The following PCDHA4 variants were observed in gnomAD, a reference collection of about 807,000 sequenced individuals.
PCDHA4 encodes the protein protocadherin alpha 4, also known as protocadherin alpha-4.
A neutral mutation model predicts 61.4 loss-of-function variants in PCDHA4; 49 were observed. That is an observed-to-expected ratio of 0.80 (90% CI 0.63 to 1.01). The LOEUF (loss-of-function observed/expected upper bound fraction) is 1.01, where lower values mean the gene tolerates loss of function less well. Ranked by LOEUF, PCDHA4 falls within the 50% of genes least tolerant of loss-of-function variation. The pLI is 0.00. For synonymous variants in PCDHA4, 590 were observed against 550.3 expected, an observed-to-expected ratio of 1.07 and a Z score of -1.01; for missense variants, 1,254 against 1,235.8, an observed-to-expected ratio of 1.01 and a Z score of -0.22.
chr5:140,993,754 A>G (rs1253767297), intron 3 of PCDHA4, among the ~76,000 whole-genome samples: 1 of 152,170 alleles, frequency 6.6e-6, no homozygotes, highest in African/African-American at 2.4e-5. Context: ...ACTTGCCATT[A>G]TATTACAATT....
chr5:140,939,240 AGGT>A (rs1314261929), intron 1 of PCDHA4, among the ~76,000 whole-genome samples: 2 of 152,170 alleles, frequency 1.3e-5, no homozygotes, highest in African/African-American at 4.8e-5. Context: ...GGAAGGAGCA[AGGT>A]AGCTCTCTGG....
At chr5:140,870,870 G>T in intron 1 of PCDHA4, 1 of 1,613,948 alleles carries the variant, frequency 6.2e-7, no homozygotes, top group African/African-American at 1.3e-5. Flanking sequence ...CGGGCCACGT[G>T]GTGGCGAAGG....
intron 1 of PCDHA4, chr5:140,865,952 T>C (rs2049067031): frequency 6.6e-6 from 1 of 152,220 alleles, no homozygotes; most frequent in Non-Finnish European, 1.5e-5. Context: ...GTCTTCATCA[T>C]TAATTTTGTA....
intron 1 of PCDHA4, chr5:140,849,880 T>G (rs2150456156): frequency 3.1e-6 from 5 of 1,598,328 alleles, no homozygotes; most frequent in Non-Finnish European, 4.3e-6. Context: ...GAGTACACGG[T>G]GTTCGTGAAG....
At chr5:140,870,587 A>T (rs1185262788) in intron 1 of PCDHA4, 2 of 1,613,660 alleles carry the variant, frequency 1.2e-6, no homozygotes, top group East Asian at 2.2e-5. Flanking sequence ...TCGCTGGTGG[A>T]GCGGCGGTTG....
chr5:140,848,357 T>C (rs2150409370), intron 1 of PCDHA4: 16 of 1,035,266 alleles, frequency 1.5e-5, no homozygotes, highest in African/African-American at 1.1e-4. Context: ...CCTTTTCCCA[T>C]GGGAAAGAGG....
chr5:140,906,316 A>G (rs191261196), intron 1 of PCDHA4, among the ~76,000 whole-genome samples: 377 of 152,344 alleles, frequency 2.5e-3, no homozygotes, highest in African/African-American at 8.6e-3. Flanking sequence ...TATTCCCAAC[A>G]TGATACAACT....
At chr5:140,863,676 C>A (rs1403210762) in intron 1 of PCDHA4, 1 of 292,478 alleles carries the variant, frequency 3.4e-6, no homozygotes, top group Non-Finnish European at 6.7e-6. Context: ...TTTGCTTTTG[C>A]TTTTTCTTTT....
chr5:140,982,633 A>G (rs2096992474), intron 3 of PCDHA4, 70 bp downstream of exon 3: 1 of 1,557,590 alleles, frequency 6.4e-7, no homozygotes, highest in Non-Finnish European at 8.7e-7. Flanking sequence ...CTTTTGTAAG[A>G]TCAGGAATGT....
chr5:140,844,793 A>G (rs1417087435), intron 1 of PCDHA4, among the ~76,000 whole-genome samples: 1 of 149,016 alleles, frequency 6.7e-6, no homozygotes, highest in Non-Finnish European at 1.5e-5. Context: ...ATCTTTCAAC[A>G]TTTTCTTTCT....
intron 3 of PCDHA4, among the ~76,000 whole-genome samples, chr5:141,008,360 G>C (rs569459357): frequency 6.6e-6 from 1 of 152,220 alleles, no homozygotes; most frequent in South Asian, 2.1e-4. Flanking sequence ...TCAACCAAAG[G>C]AGCAGTGTTA....
In PCDHA4 at chr5:140,853,628, A is replaced by G. The variant is rs782528140; in HGVS notation, c.2385+44056A>G. ...GGGGTGCTGTAAATAAGTATACAAG[A>G]TCACAGACCTAAATTGAGCCTGTTC... On this transcript the variant is annotated intron_variant, in intron 1 of 3. Transcript: ENST00000530339. The G allele has an allele frequency of 2.2e-5, 22 of 988,404 alleles. 3 individuals are homozygous for G. The highest frequency in any genetic ancestry group is 2.6e-5 in the Non-Finnish European group (21 of 820,488). The allele number at this position is 988,404 out of a possible 1,614,324, so 61.2% of individuals were successfully genotyped here.
chr5:140,876,899 C>G (rs781884794), intron 1 of PCDHA4: 1 of 1,614,092 alleles, frequency 6.2e-7, no homozygotes, highest in South Asian at 1.1e-5. Context: ...CACATCTTCA[C>G]GGTGTCGGCA....
At chr5:140,990,552 C>G (rs1379026755) in intron 3 of PCDHA4, among the ~76,000 whole-genome samples, 5 of 152,130 alleles carry the variant, frequency 3.3e-5, no homozygotes, top group African/African-American at 1.2e-4. Flanking sequence ...CTGTATTACC[C>G]AAGAACACAC....
At chr5:140,824,187 C>T (rs2150133010) in intron 1 of PCDHA4, 10 of 1,603,156 alleles carry the variant, frequency 6.2e-6, no homozygotes, top group African/African-American at 1.3e-5. Context: ...TTAAATGTCA[C>T]ATTCACCCAC....
chr5:140,870,910 A>G (rs2052532769), intron 1 of PCDHA4: 1 of 1,613,930 alleles, frequency 6.2e-7, no homozygotes, highest in South Asian at 1.1e-5. Context: ...CTCAGGCTAC[A>G]ACGCGTGGCT....
chr5:141,007,678 A>T (rs1472767852), intron 3 of PCDHA4, among the ~76,000 whole-genome samples: 1 of 152,236 alleles, frequency 6.6e-6, no homozygotes, highest in Non-Finnish European at 1.5e-5. Context: ...GACAAAAGTT[A>T]TCCTACTTCC....
Position 140,850,629 on chromosome 5 carries a change from G to T in PCDHA4, c.2385+41057G>T, listed in dbSNP as rs2150491518. On this transcript the variant is annotated intron_variant, in intron 1 of 3. Transcript: ENST00000530339. ...CATCTGCGCGGTGTCTAGCCTGTTG[G>T]TTCTCACGCTGCTGCTGTACACTGT... is the stretch of plus-strand genomic sequence containing the variant. 44 of 1,598,620 alleles carry T rather than the reference G, an allele frequency of 2.8e-5. 2 individuals carry two copies. The East Asian group carries it at 9.4e-4, about 34-fold the overall frequency.
rs191774551 is a variant in PCDHA4, at chr5:140,984,794, A to C, written c.2533+2231A>C. Among the ~76,000 whole-genome samples, 4 of 152,294 alleles carry C rather than the reference A, an allele frequency of 2.6e-5. No homozygotes were observed. In the East Asian group the frequency reaches 7.7e-4, roughly 29 times the overall value. ...CTTACTTGCTGGGTGAGCATAGACA[A>C]ACTGCCTGAATTCATATTTTCTTAA... On this transcript the variant is annotated intron_variant, in intron 3 of 3. Transcript: ENST00000530339.
Sources: gnomAD v4.1 joint callset for allele counts (sites outside exome capture counted in the v4.1 genomes callset) on GRCh38, gnomAD v4.1.1 for gene constraint, MANE v1.5 for transcripts, NCBI Gene and HGNC (gene_info 2026-07-23, HGNC 2026-07-21) for gene names.